The following ARHGAP26 variants were observed in gnomAD, a reference collection of about 807,000 sequenced individuals.
ARHGAP26 encodes rho GTPase-activating protein 26.
ARHGAP26 carries 38 observed loss-of-function variants against 104.8 expected under a neutral mutation model. That is an observed-to-expected ratio of 0.36 (90% CI 0.28 to 0.48). The LOEUF (loss-of-function observed/expected upper bound fraction) is 0.48. ARHGAP26 is among the 20% of genes least tolerant of loss of function. The pLI, the probability that ARHGAP26 is intolerant of heterozygous loss-of-function variation, is 0.99. For missense variants in ARHGAP26, 704 were observed against 947.9 expected (o/e 0.74, Z 3.38); for synonymous variants, 341 against 340.0 (o/e 1.00, Z -0.03).
At chr5:142,890,149 AAAATATATATAT>A (rs1174323197) in intron 5 of ARHGAP26, among the ~76,000 whole-genome samples, 17 of 66,700 alleles carry the variant, frequency 2.5e-4, no homozygotes, top group Non-Finnish European at 4.4e-4. Context: ...AAAAAAAAAA[AAAATATATATAT>A]ATATATATAT....
rs192571876 is a variant in ARHGAP26 at position 142,793,680 on chromosome 5, C to T, written c.154+22765C>T. Among the ~76,000 whole-genome samples, 1,504 of 152,192 alleles carry T rather than the reference C, an allele frequency of 9.9e-3. 23 individuals carry two copies. Among genetic ancestry groups the T allele is most frequent in the Middle Eastern group, 0.044 (13 of 294 alleles). ...TCGGCTCACTGCAACCTCCACCTCC[C>T]GAGTTTAAGTGATTCTTGTGCCTCA... On this transcript the variant is annotated intron_variant, in intron 1 of 22. Coordinates refer to ENST00000645722, the MANE Select transcript of ARHGAP26 (RefSeq NM_001135608.3).
At chr5:143,045,331 G>A (rs910619678) in intron 14 of ARHGAP26, among the ~76,000 whole-genome samples, 1 of 152,230 alleles carries the variant, frequency 6.6e-6, no homozygotes, top group Admixed American at 6.5e-5. Context: ...TGACCACAGT[G>A]TAACATCTAA....
intron 17 of ARHGAP26, among the ~76,000 whole-genome samples, chr5:143,071,015 G>A (rs1788172889): frequency 6.6e-6 from 1 of 152,172 alleles, no homozygotes; most frequent in Non-Finnish European, 1.5e-5. Flanking sequence ...AGCAAAAGCA[G>A]TCCTAAGAAA....
chr5:142,983,492 C>T (rs1774248016), intron 11 of ARHGAP26, among the ~76,000 whole-genome samples: 1 of 152,228 alleles, frequency 6.6e-6, no homozygotes. Flanking sequence ...AGGCGTGAGC[C>T]TCCACGACCA....
intron 1 of ARHGAP26, among the ~76,000 whole-genome samples, chr5:142,820,513 G>A (rs1039914562): frequency 6.6e-6 from 1 of 152,068 alleles, no homozygotes; most frequent in Non-Finnish European, 1.5e-5. Flanking sequence ...AGCTGAAGGC[G>A]GTAGAATAAC....
chr5:143,102,137 G>A (rs754196751), intron 17 of ARHGAP26, among the ~76,000 whole-genome samples: 4 of 152,152 alleles, frequency 2.6e-5, no homozygotes, highest in Admixed American at 6.5e-5. Flanking sequence ...CAGCAGGACC[G>A]TGAGTAAGGG....
rs973869036 is a variant in ARHGAP26, at chr5:143,131,016, A to G, written c.1699-2951A>G. Reference sequence around the variant, plus strand: ...TTCAGGAGCCTGGTCCTGGCTCACAATGAGACCCAGGGAACTGACCCTTGG... The same window carrying G: ...TTCAGGAGCCTGGTCCTGGCTCACAGTGAGACCCAGGGAACTGACCCTTGG... On this transcript the variant is annotated intron_variant, in intron 18 of 22. Transcript: ENST00000645722. 9.9e-5 allele frequency among the ~76,000 whole-genome samples: 15 copies of G among 152,208 alleles called. 1 individual carries two copies. Among genetic ancestry groups the G allele is most frequent in the African/African-American group, 1.2e-4 (5 of 41,430 alleles).
intron 12 of ARHGAP26, among the ~76,000 whole-genome samples, chr5:143,017,335 T>C (rs1325157299): frequency 6.6e-6 from 1 of 152,238 alleles, no homozygotes; most frequent in African/African-American, 2.4e-5. Context: ...GCTGGTATTT[T>C]CCAAATGACC....
chr5:143,213,240 G>A (rs1809793036), intron 21 of ARHGAP26, among the ~76,000 whole-genome samples: 1 of 152,160 alleles, frequency 6.6e-6, no homozygotes, highest in African/African-American at 2.4e-5. Flanking sequence ...CAGGTGTTTC[G>A]GATGCACAGT....
At chr5:142,834,936 A>G (rs968011978) in intron 1 of ARHGAP26, among the ~76,000 whole-genome samples, 2 of 152,228 alleles carry the variant, frequency 1.3e-5, no homozygotes, top group African/African-American at 4.8e-5. Context: ...GATCCTGTGT[A>G]GACCAAGTTT....
At chr5:142,852,071 T>C (rs1206927961) in intron 1 of ARHGAP26, among the ~76,000 whole-genome samples, 1 of 152,186 alleles carries the variant, frequency 6.6e-6, no homozygotes, top group East Asian at 1.9e-4. Flanking sequence ...AAAATAATGA[T>C]AAGCACTTGT....
At chr5:142,891,186 G>A (rs893430618) in intron 5 of ARHGAP26, among the ~76,000 whole-genome samples, 14 of 152,012 alleles carry the variant, frequency 9.2e-5, no homozygotes, top group African/African-American at 3.2e-4. Context: ...AGGCGTATCA[G>A]CCCAGTTGTC....
rs374481274 is a variant in ARHGAP26 at position 143,098,606 on chromosome 5, T to C, written c.1539-22382T>C. Among the ~76,000 whole-genome samples the C allele has an allele frequency of 4.0e-4, 61 of 152,246 alleles. 3 individuals carry two copies. The South Asian group carries it at 0.013, about 32-fold the overall frequency. On this transcript the variant is annotated intron_variant, in intron 17 of 22. Transcript: ENST00000645722. The stretch of plus-strand genomic sequence containing the variant: ...TATTATCAACAGTGGGTAGACATGA[T>C]AGGAAAACAATATTCAGCCCATAAT...
chr5:142,874,737 G>A (rs1260873502), intron 2 of ARHGAP26, among the ~76,000 whole-genome samples: 6 of 152,042 alleles, frequency 3.9e-5, no homozygotes, highest in African/African-American at 7.2e-5. Context: ...CTGACGCAAC[G>A]CCATGACAAA....
chr5:142,914,704 C>T lies in ARHGAP26; in HGVS notation c.1028+1411C>T, dbSNP rs1379830970. ...AAGAAGAATAGCATGGGTGTGGGGT[C>T]GGAGGATAGCTTGAACTGGGGTAGC... On this transcript the variant is annotated intron_variant, in intron 10 of 22. Coordinates refer to ENST00000645722, the MANE Select transcript of ARHGAP26 (RefSeq NM_001135608.3). 3.3e-5 allele frequency among the ~76,000 whole-genome samples: 5 copies of T among 152,100 alleles called. No homozygotes were observed. The East Asian group carries it at 9.6e-4, about 29-fold the overall frequency.
intron 11 of ARHGAP26, among the ~76,000 whole-genome samples, chr5:142,941,180 C>T (rs981826025): frequency 2.0e-5 from 3 of 149,380 alleles, no homozygotes; most frequent in African/African-American, 5.0e-5. Flanking sequence ...TTTGAGGAAT[C>T]GCATTACTGC....
chr5:142,828,716 A>G lies in ARHGAP26; in HGVS notation c.155-44684A>G, dbSNP rs771014587. ...GTGACTGGGGTAGTCTGGTTTGGCAAGGGCTTGTCATGTAGGGGATTGTCT... is the reference window on the plus strand; with the variant it reads ...GTGACTGGGGTAGTCTGGTTTGGCAGGGGCTTGTCATGTAGGGGATTGTCT... On this transcript the variant is annotated intron_variant, in intron 1 of 22. Transcript: ENST00000645722. 1.7e-4 allele frequency among the ~76,000 whole-genome samples: 26 copies of G among 152,272 alleles called. No homozygotes were observed. In the East Asian group the frequency reaches 3.5e-3, roughly 20 times the overall value.
chr5:143,162,284 TACAC>T (rs34577770), intron 20 of ARHGAP26, among the ~76,000 whole-genome samples: 76 of 147,432 alleles, frequency 5.2e-4, no homozygotes, highest in East Asian at 4.8e-3. Flanking sequence ...AACACACACA[TACAC>T]ACACACACAC....
intron 1 of ARHGAP26, among the ~76,000 whole-genome samples, chr5:142,861,026 A>G (rs1753229698): frequency 6.6e-6 from 1 of 152,170 alleles, no homozygotes; most frequent in African/African-American, 2.4e-5. Context: ...CGTTTTGAGA[A>G]ACACTTATCT....
Sources: allele counts gnomAD v4.1 joint callset (sites outside exome capture counted in the v4.1 genomes callset), GRCh38; gene constraint gnomAD v4.1.1; transcripts MANE v1.5; gene names NCBI Gene and HGNC (gene_info 2026-07-23, HGNC 2026-07-21).